CEP43: variants seen among roughly 807,000 people sequenced by gnomAD.
CEP43 encodes centrosomal protein 43, also known as FGFR1 oncogene partner.
Under a neutral mutation model 52.6 loss-of-function variants are expected in CEP43, and 36 were observed. The ratio of observed to expected loss-of-function variants is 0.68; its 90% confidence interval spans 0.52 to 0.90. The LOEUF (loss-of-function observed/expected upper bound fraction) is 0.90. CEP43 is among the 40% of genes least tolerant of loss of function. The probability of loss-of-function intolerance (pLI) is 0.00; values close to 1 mark genes in which losing one functional copy is unlikely to be tolerated. For missense variants in CEP43, 506 were observed against 472.8 expected, an observed-to-expected ratio of 1.07 and a Z score of -0.65; for synonymous variants, 192 against 172.4, an observed-to-expected ratio of 1.11 and a Z score of -0.89.
In CEP43 at chr6:167,041,966, G is replaced by T; in HGVS notation, c.*1988G>T. 1 of 397,166 alleles carries T rather than the reference G, an allele frequency of 2.5e-6. No homozygotes were observed. Among genetic ancestry groups the T allele is most frequent in the Non-Finnish European group, 3.5e-6 (1 of 287,942 alleles). 24.6% of individuals were successfully genotyped at this position (397,166 alleles called of 1,614,324 possible). ...AGCCTCCTGAGTAGCTGGGATTACA[G>T]GTGCACACCACCACGCCCGGCTAAT... On this transcript the variant is annotated 3_prime_UTR_variant, in exon 13 of 13. Coordinates refer to ENST00000366847, the MANE Select transcript of CEP43 (RefSeq NM_007045.4).
At position 167,024,889 on chromosome 6, in the gene CEP43, C is replaced by G. The variant is rs1465655844; in HGVS notation, c.914C>G (p.Ser305Cys). The G allele has an allele frequency of 6.3e-7, 1 of 1,578,782 alleles. No homozygotes were observed. Among genetic ancestry groups the G allele is most frequent in the Admixed American group, 1.7e-5 (1 of 59,022 alleles). Residue 305 changes from serine (S) to cysteine (C), a missense_variant, in exon 9 of 13, where the codon TCT (serine) becomes TGT (cysteine). Ser to Cys is a moderately radical substitution (Grantham distance 112, BLOSUM62 -1). Coordinates refer to ENST00000366847, the MANE Select transcript of CEP43 (RefSeq NM_007045.4). ...GCGGGAGCCCCTTCTTTAAAAGACT[C>G]TGAGAGTAAGTGCCCAAAGATGTGG... ...SLAGAPSLKD[S>C]ESKRGNTVLK... is the part of the protein sequence containing the mutation.
At chr6:167,029,629 A>G (rs1780425140) in intron 10 of CEP43, among the ~76,000 whole-genome samples, 1 of 152,256 alleles carries the variant, frequency 6.6e-6, no homozygotes, top group Non-Finnish European at 1.5e-5. Context: ...AATACTAAAC[A>G]ATACATAACC....
chr6:167,005,433 G>T (rs1393638515), intron 5 of CEP43, among the ~76,000 whole-genome samples: 1 of 152,178 alleles, frequency 6.6e-6, no homozygotes. Context: ...TAGTTTAGAG[G>T]AGGAAGCGAT....
At chr6:167,014,589 A>G (rs777196431) in intron 7 of CEP43, among the ~76,000 whole-genome samples, 39 of 152,222 alleles carry the variant, frequency 2.6e-4, no homozygotes, top group Non-Finnish European at 2.4e-4. Context: ...TAGGTTGAAA[A>G]TCTTCAAACT....
intron 7 of CEP43, among the ~76,000 whole-genome samples, chr6:167,017,020 G>A (rs1473438517): frequency 6.7e-6 from 1 of 148,494 alleles, no homozygotes; most frequent in Non-Finnish European, 1.5e-5. Context: ...TTTTGAGATG[G>A]AGTCTCTCTC....
In CEP43 at chr6:167,033,988, T is replaced by G; in HGVS notation, c.1125+17T>G. 1 of 1,283,240 alleles carries G rather than the reference T, an allele frequency of 7.8e-7. No individual in the cohort carries two copies. 79.5% of individuals were successfully genotyped at this position (1,283,240 alleles called of 1,614,324 possible). A position where few individuals can be genotyped will look rare whatever the true frequency, so the allele number is the denominator to read the frequency against. On this transcript the variant is annotated intron_variant, in intron 12 of 12. Transcript: ENST00000366847. ...AGTGATAAGGTATGGTGTTCTGCAT[T>G]TCCCATAGAGTGCTTTTTTTTTTTA...
At chr6:167,034,264 G>A (rs1346185502) in intron 12 of CEP43, among the ~76,000 whole-genome samples, 1 of 152,146 alleles carries the variant, frequency 6.6e-6, no homozygotes, top group Non-Finnish European at 1.5e-5. Context: ...CAGGCTTAGT[G>A]AGAATTGACC....
chr6:167,037,354 T>C (rs73031591), intron 12 of CEP43, among the ~76,000 whole-genome samples: 3,086 of 132,008 alleles, frequency 0.023, 52 homozygotes, highest in East Asian at 0.1. Flanking sequence ...TGTATTAATA[T>C]AACACTCAAT....
chr6:167,028,154 G>A, intron 10 of CEP43: 1 of 985,308 alleles, frequency 1.0e-6, no homozygotes, highest in Non-Finnish European at 1.2e-6. Flanking sequence ...TTTGTGTTCT[G>A]TTTTTTTCAC....
At chr6:167,008,568 C>T (rs1030473509) in intron 5 of CEP43, among the ~76,000 whole-genome samples, 2 of 151,980 alleles carry the variant, frequency 1.3e-5, no homozygotes, top group African/African-American at 4.8e-5. Context: ...CCCAGGTTCA[C>T]GACATTCTTC....
intron 7 of CEP43, 71 bp downstream of exon 7, chr6:167,013,638 G>A: frequency 1.6e-6 from 2 of 1,238,394 alleles, no homozygotes; most frequent in Non-Finnish European, 2.4e-6. Context: ...GCCTCCTGGA[G>A]CGCTGGGCTC....
At position 167,044,429 on chromosome 6, in the gene CEP43, C is replaced by T. The variant is rs1206197515; in HGVS notation, c.*4451C>T. On this transcript the variant is annotated 3_prime_UTR_variant, in exon 13 of 13. Transcript: ENST00000366847. ...GCAAGAAGACCAAGATGACAAGATG[C>T]GCCAGGAGACTTGGCCAGAGGACCT... 2.5e-5 allele frequency: 25 copies of T among 985,068 alleles called. No individual in the cohort carries two copies. The highest frequency in any genetic ancestry group is 2.3e-4 in the East Asian group (2 of 8,818). The allele number at this position is 985,068 out of a possible 1,614,324, so 61.0% of individuals were successfully genotyped here.
rs1336195158 is a variant in CEP43 at position 167,043,930 on chromosome 6, T to C, written c.*3952T>C. 6.6e-6 allele frequency: 1 copy of C among 152,172 alleles called. No individual in the cohort carries two copies. 9.4% of individuals were successfully genotyped at this position (152,172 alleles called of 1,614,324 possible). ...CTGAATGTGTCCCCCAAAATGTGTA[T>C]GTCGAAACCTAATCCCACATAGGAT... On this transcript the variant is annotated 3_prime_UTR_variant, in exon 13 of 13. Transcript: ENST00000366847.
At chr6:167,037,519 G>C (rs16899821) in intron 12 of CEP43, among the ~76,000 whole-genome samples, 3,086 of 152,312 alleles carry the variant, frequency 0.02, 53 homozygotes, top group East Asian at 0.091. Flanking sequence ...TGAATTGAAT[G>C]CATAAGAACT....
intron 5 of CEP43, among the ~76,000 whole-genome samples, chr6:167,004,953 CT>C (rs1286388235): frequency 1.3e-5 from 2 of 152,162 alleles, no homozygotes; most frequent in Non-Finnish European, 2.9e-5. Context: ...ATCAGTAGTA[CT>C]TTTCATACTC....
Position 167,041,844 on chromosome 6 carries a change from G to GGGGCCC in CEP43, c.*1866_*1867insGGGCCC. ...TCTTTTTTTTGCGGGGGGCGGGGGG[G>GGGGCCC]ACAGAGTCTCACTGTGTCACTCAGA... On this transcript the variant is annotated 3_prime_UTR_variant, in exon 13 of 13. Transcript: ENST00000366847. The GGGGCCC allele has an allele frequency of 4.8e-5, 7 of 144,924 alleles. No homozygotes were observed. The highest frequency in any genetic ancestry group is 8.7e-5 in the Non-Finnish European group (7 of 80,394). The allele number at this position is 144,924 out of a possible 1,614,324, so 9.0% of individuals were successfully genotyped here.
intron 1 of CEP43, chr6:166,999,735 C>G (rs1183402214): frequency 2.0e-6 from 1 of 494,766 alleles, no homozygotes; most frequent in Non-Finnish European, 3.5e-6. Context: ...CTGGGGGTGC[C>G]TGGCCCATCC....
chr6:166,999,623 GC>G, intron 1 of CEP43, 109 bp downstream of exon 1: 1 of 807,506 alleles, frequency 1.2e-6, no homozygotes, highest in Non-Finnish European at 1.7e-6. Context: ...AGGGACCGGG[GC>G]CGGCGGGCAC....
chr6:167,002,243 G>A (rs916217611), intron 2 of CEP43, among the ~76,000 whole-genome samples: 8 of 151,936 alleles, frequency 5.3e-5, no homozygotes, highest in African/African-American at 1.5e-4. Context: ...AAATGGAATC[G>A]TATAGTAGGT....
Sources: allele counts gnomAD v4.1 joint callset (sites outside exome capture counted in the v4.1 genomes callset), GRCh38; gene constraint gnomAD v4.1.1; transcripts MANE v1.5; gene names NCBI Gene and HGNC (gene_info 2026-07-23, HGNC 2026-07-21).